PDZD2: variants seen among roughly 807,000 people sequenced by gnomAD.
The protein encoded by PDZD2 is PDZ domain-containing protein 2.
A neutral mutation model predicts 220.7 loss-of-function variants in PDZD2; 90 were observed. That is an observed-to-expected ratio of 0.41 (90% CI 0.34 to 0.49). PDZD2 has a LOEUF of 0.49. PDZD2 is among the 20% of genes least tolerant of loss of function. PDZD2 has a pLI of 0.28. For missense variants in PDZD2, 3,174 were observed against 3,608.5 expected (o/e 0.88, Z 3.08); for synonymous variants, 1,375 against 1,450.5 (o/e 0.95, Z 1.18).
At chr5:31,931,610 G>A (rs1745299456) in intron 2 of PDZD2, among the ~76,000 whole-genome samples, 1 of 152,088 alleles carries the variant, frequency 6.6e-6, no homozygotes, top group African/African-American at 2.4e-5. Context: ...GGAAGTAGAT[G>A]GGATAATCCA....
intron 1 of PDZD2, among the ~76,000 whole-genome samples, chr5:31,720,132 A>T (rs938441153): frequency 1.3e-5 from 2 of 152,204 alleles, no homozygotes; most frequent in Non-Finnish European, 2.9e-5. Context: ...CTTTGACAAA[A>T]TGGCTTCCAG....
rs1751017569 is a variant in PDZD2, at chr5:31,989,424, T to TTTTTTTTTTTTTATTTATTTATTTATTTA, written c.978+5780_978+5781insATTTATTTATTTATTTATTTTTTTTTTTT. On this transcript the variant is annotated intron_variant, in intron 3 of 24. Transcript: ENST00000438447. ...GGTATATACCACATTTTCTTTTCTTTTTTTTTTTTTTTTTTTGAGACGAAG... is the reference window on the plus strand; with the variant it reads ...GGTATATACCACATTTTCTTTTCTTTTTTTTTTTTTTTATTTATTTATTTATTTATTTTTTTTTTTTTTTTGAGACGAAG... Among the ~76,000 whole-genome samples, 13 of 136,756 alleles carry TTTTTTTTTTTTTATTTATTTATTTATTTA rather than the reference T, an allele frequency of 9.5e-5. No individual in the cohort carries two copies. In the East Asian group the frequency reaches 1.3e-3, roughly 14 times the overall value. The allele number at this position is 136,756 out of a possible 152,430, so 89.7% of individuals were successfully genotyped here.
chr5:31,833,362 G>C (rs148399508), intron 2 of PDZD2, among the ~76,000 whole-genome samples: 225 of 152,226 alleles, frequency 1.5e-3, no homozygotes, highest in African/African-American at 4.7e-3. Flanking sequence ...CAGCTACTGA[G>C]GAAGCTAAGG....
Position 32,089,211 on chromosome 5 carries a change from G to A in PDZD2, c.5763G>A (p.Gln1921=), listed in dbSNP as rs1158358863. Residue 1921 remains glutamine (Q), a synonymous_variant, in exon 20 of 25, where the codon CAG becomes CAA. Transcript: ENST00000438447. ...TDHRKPLISP[Q]TSHKTLSKAV... ...ACAGGAAACCCTTGATCTCACCCCAGACCTCCCACAAAACACTTTCTAAGG... is the reference window on the plus strand; with the variant it reads ...ACAGGAAACCCTTGATCTCACCCCAAACCTCCCACAAAACACTTTCTAAGG... 3 of 1,614,000 alleles carry A rather than the reference G, an allele frequency of 1.9e-6. No homozygotes were observed. The Admixed American group carries it at 5.0e-5, about 27-fold the overall frequency.
intron 1 of PDZD2, among the ~76,000 whole-genome samples, chr5:31,766,943 T>A (rs1752058309): frequency 6.6e-6 from 1 of 150,700 alleles, no homozygotes. Context: ...GGGCAGGCTG[T>A]TCTCCAACTC....
chr5:31,689,353 A>ATATATATT, intron 1 of PDZD2, among the ~76,000 whole-genome samples: 15 of 35,120 alleles, frequency 4.3e-4, no homozygotes, highest in African/African-American at 2.1e-3. Context: ...ATATATATAT[A>ATATATATT]TTTTTTTTTT....
intron 19 of PDZD2, among the ~76,000 whole-genome samples, chr5:32,082,886 T>C (rs1581448898): frequency 6.6e-6 from 1 of 152,310 alleles, no homozygotes; most frequent in East Asian, 1.9e-4. Context: ...TGGTGGCTCT[T>C]GGAAACCAGA....
At chr5:31,674,501 T>C (rs964886828) in intron 1 of PDZD2, among the ~76,000 whole-genome samples, 5 of 152,218 alleles carry the variant, frequency 3.3e-5, no homozygotes, top group Admixed American at 3.3e-4. Flanking sequence ...TTGTAAAATG[T>C]TTATTGGCCT....
chr5:31,684,563 G>GT (rs34643771), intron 1 of PDZD2, among the ~76,000 whole-genome samples: 26,559 of 148,054 alleles, frequency 0.18, 2,973 homozygotes, highest in East Asian at 0.61. Context: ...AGCTAGAGCA[G>GT]TTTTTTTTTT....
chr5:31,822,885 G>A, intron 2 of PDZD2: 1 of 808,760 alleles, frequency 1.2e-6, no homozygotes, highest in Non-Finnish European at 2.1e-6. Context: ...AGCCCAGTGT[G>A]ACACCCTTGA....
In PDZD2 at chr5:31,717,540, C is replaced by T. The variant is rs556553660; in HGVS notation, c.-361+78103C>T. Reference sequence around the variant, plus strand: ...ACCTTAGCACCTCGCTTGTCCCTGCCTCCCTCCCCCTTAACCTCCCCAGCC... The same window carrying T: ...ACCTTAGCACCTCGCTTGTCCCTGCTTCCCTCCCCCTTAACCTCCCCAGCC... On this transcript the variant is annotated intron_variant, in intron 1 of 24. Transcript: ENST00000438447. Among the ~76,000 whole-genome samples, 4 of 151,868 alleles carry T rather than the reference C, an allele frequency of 2.6e-5. No individual in the cohort carries two copies. In the South Asian group the frequency reaches 8.3e-4, roughly 32 times the overall value.
intron 21 of PDZD2, among the ~76,000 whole-genome samples, chr5:32,093,297 C>T (rs1269699048): frequency 6.6e-6 from 1 of 152,236 alleles, no homozygotes; most frequent in African/African-American, 2.4e-5. Flanking sequence ...ATTCTCCTAA[C>T]TCCTATGTGT....
At position 31,686,073 on chromosome 5, in the gene PDZD2, C is replaced by T. The variant is rs1037483996; in HGVS notation, c.-361+46636C>T. Reference sequence around the variant, plus strand: ...ATCAGCCAGGTATGGTCCCAGCTACCCTACTACCCTACCCTACTACCCAGG... The same window carrying T: ...ATCAGCCAGGTATGGTCCCAGCTACTCTACTACCCTACCCTACTACCCAGG... On this transcript the variant is annotated intron_variant, in intron 1 of 24. Transcript: ENST00000438447. Among the ~76,000 whole-genome samples the T allele has an allele frequency of 2.7e-5, 4 of 149,022 alleles. No homozygotes were observed. The East Asian group carries it at 8.0e-4, about 30-fold the overall frequency.
chr5:31,998,816 G>A (rs1013051594), intron 4 of PDZD2, among the ~76,000 whole-genome samples: 8 of 152,250 alleles, frequency 5.3e-5, no homozygotes, highest in Admixed American at 5.2e-4. Context: ...GCCATCCTGG[G>A]CCACATGCAG....
Position 31,983,559 on chromosome 5 carries a change from T to A in PDZD2, c.881T>A (p.Ile294Asn). The A allele has an allele frequency of 1.2e-6, 2 of 1,614,138 alleles. No homozygotes were observed. Among genetic ancestry groups the A allele is most frequent in the Non-Finnish European group, 1.7e-6 (2 of 1,180,002 alleles). ...SEVDRGTEHR[I>N]PKTDAPLTTS... ...GTGGACAGAGGGACAGAGCATAGAA[T>A]TCCAAAGACAGATGCTCCTCTGACC... The change falls in exon 3 of 25, where the codon ATT (isoleucine) becomes AAT (asparagine). Residue 294 changes from isoleucine (I) to asparagine (N), a missense_variant. By Grantham distance (149) the Ile-to-Asn change is moderately radical (BLOSUM62 -3). Coordinates refer to ENST00000438447, the MANE Select transcript of PDZD2 (RefSeq NM_178140.4).
intron 2 of PDZD2, among the ~76,000 whole-genome samples, chr5:31,830,944 T>C (rs1756547285): frequency 6.6e-6 from 1 of 152,208 alleles, no homozygotes; most frequent in Non-Finnish European, 1.5e-5. Context: ...CTGAAGTTGC[T>C]TCTTCTGAGG....
At chr5:32,029,048 T>TCAGCATCTGCAGCCTGGGCTGTTTTC (rs1754918699) in intron 6 of PDZD2, among the ~76,000 whole-genome samples, 1 of 152,196 alleles carries the variant, frequency 6.6e-6, no homozygotes. Flanking sequence ...ATTGTGTTTT[T>TCAGCATCTGCAGCCTGGGCTGTTTTC]CAGCATCTGC....
intron 12 of PDZD2, 58 bp from the exon 13 acceptor site, chr5:32,059,181 T>A: frequency 2.2e-6 from 2 of 894,912 alleles, no homozygotes; most frequent in Non-Finnish European, 3.7e-6. Context: ...AGTTACACAT[T>A]TTTTCTAGTG....
At chr5:31,976,573 A>G (rs1388199411) in intron 2 of PDZD2, among the ~76,000 whole-genome samples, 1 of 152,092 alleles carries the variant, frequency 6.6e-6, no homozygotes, top group South Asian at 2.1e-4. Flanking sequence ...ACATACTCAG[A>G]TGAAGTAAGA....
Sources: gnomAD v4.1 joint callset for allele counts (sites outside exome capture counted in the v4.1 genomes callset) on GRCh38, gnomAD v4.1.1 for gene constraint, MANE v1.5 for transcripts, NCBI Gene and HGNC (gene_info 2026-07-23, HGNC 2026-07-21) for gene names.